Variants in MAP4K4 observed in about 807,000 individuals in gnomAD.
MAP4K4 encodes the protein HPK/GCK-like kinase HGK.
Under a neutral mutation model 189.6 loss-of-function variants are expected in MAP4K4, and 38 were observed. That is an observed-to-expected ratio of 0.20 (90% CI 0.15 to 0.26). The LOEUF is 0.26. MAP4K4 is among the 10% of genes least tolerant of loss of function. The pLI, the probability that MAP4K4 is intolerant of heterozygous loss-of-function variation, is 1.00. For missense variants in MAP4K4, 1,054 were observed against 1,726.9 expected, an observed-to-expected ratio of 0.61 and a Z score of 6.91; for synonymous variants, 610 against 624.3, an observed-to-expected ratio of 0.98 and a Z score of 0.34.
intron 2 of MAP4K4, among the ~76,000 whole-genome samples, chr2:101,699,668 C>G (rs1380503419): frequency 6.6e-6 from 1 of 151,830 alleles, no homozygotes; most frequent in Admixed American, 6.6e-5. Context: ...CTTATTGTCT[C>G]TTTTCTGCGT....
intron 2 of MAP4K4, among the ~76,000 whole-genome samples, chr2:101,755,291 G>C (rs959610125): frequency 6.6e-6 from 1 of 151,182 alleles, no homozygotes; most frequent in South Asian, 2.1e-4. Context: ...AAGGCCCTTT[G>C]TCTGTTATGC....
At chr2:101,859,376 G>A (rs2097567016) in intron 14 of MAP4K4, among the ~76,000 whole-genome samples, 1 of 152,152 alleles carries the variant, frequency 6.6e-6, no homozygotes, top group Non-Finnish European at 1.5e-5. Flanking sequence ...GAAAGCACAT[G>A]TCACAGGATT....
At chr2:101,830,909 AC>A (rs1204250032) in intron 6 of MAP4K4, among the ~76,000 whole-genome samples, 3 of 152,130 alleles carry the variant, frequency 2.0e-5, no homozygotes, top group African/African-American at 7.2e-5. Flanking sequence ...GTGAGTCCAC[AC>A]CCTGGACGAG....
chr2:101,736,800 C>T (rs1440045869), intron 2 of MAP4K4, among the ~76,000 whole-genome samples: 1 of 152,156 alleles, frequency 6.6e-6, no homozygotes, highest in Non-Finnish European at 1.5e-5. Context: ...GTGCTCCTGA[C>T]ACTTGGTACC....
At chr2:101,746,784 T>C (rs1384607433) in intron 2 of MAP4K4, among the ~76,000 whole-genome samples, 2 of 152,152 alleles carry the variant, frequency 1.3e-5, no homozygotes, top group Non-Finnish European at 2.9e-5. Context: ...TGTTTTTTTT[T>C]CCTCCCTTGA....
chr2:101,752,037 G>T (rs987286190), intron 2 of MAP4K4, among the ~76,000 whole-genome samples: 5 of 152,178 alleles, frequency 3.3e-5, no homozygotes, highest in Admixed American at 1.3e-4. Context: ...TGTAGGGTGA[G>T]CCATGTGAAC....
At chr2:101,857,107 T>C (rs866529665) in intron 13 of MAP4K4, among the ~76,000 whole-genome samples, 4 of 152,200 alleles carry the variant, frequency 2.6e-5, no homozygotes, top group Non-Finnish European at 4.4e-5. Flanking sequence ...ACATTCAAGC[T>C]TTTAAGAATT....
At chr2:101,777,854 T>A (rs1408055461) in intron 2 of MAP4K4, among the ~76,000 whole-genome samples, 1 of 152,192 alleles carries the variant, frequency 6.6e-6, no homozygotes, top group Non-Finnish European at 1.5e-5. Context: ...CGTTTTATAG[T>A]AAGATGGCCA....
rs1211624298 is a variant in MAP4K4 at position 101,831,772 on chromosome 2, C to T, written c.560C>T (p.Thr187Met). The change falls in exon 7 of 33, where the codon ACG (threonine) becomes ATG (methionine). Residue 187 changes from threonine (T) to methionine (M), a missense_variant. Around this residue, in one of 4 missense-constraint regions of MAP4K4, gnomAD observed 200 missense variants for 509.0 expected, o/e 0.39. Coordinates refer to ENST00000324219, the Ensembl canonical transcript of MAP4K4. ...GACAGGACTGTGGGGCGGAGAAATA[C>T]GTTCATAGGCACTCCCTACTGGATG... The T allele has an allele frequency of 6.2e-7, 1 of 1,608,514 alleles. No individual in the cohort carries two copies. The highest frequency in any genetic ancestry group is 8.5e-7 in the Non-Finnish European group (1 of 1,177,308).
chr2:101,698,780 A>G lies in MAP4K4; in HGVS notation c.123+242A>G, dbSNP rs546334275. On this transcript the variant is annotated intron_variant, in intron 2 of 32. Transcript: ENST00000324219. ...AAATAAGCTACACTCTTAGGCATGC[A>G]CTTTACTTCGATAAAATGGAAAAGC... Among the ~76,000 whole-genome samples the G allele has an allele frequency of 7.9e-5, 12 of 152,336 alleles. No homozygotes were observed. The East Asian group carries it at 2.1e-3, about 27-fold the overall frequency.
chr2:101,762,078 A>G (rs528614145), intron 2 of MAP4K4, among the ~76,000 whole-genome samples: 69 of 152,308 alleles, frequency 4.5e-4, no homozygotes, highest in Admixed American at 1.2e-3. Flanking sequence ...CCGGGAGTCT[A>G]TTCCAAGTAG....
At chr2:101,824,115 CGGGGGT>C in intron 4 of MAP4K4, 62 bp downstream of exon 4, 6 of 40,764 alleles carry the variant, frequency 1.5e-4, no homozygotes, top group Non-Finnish European at 2.9e-4. Flanking sequence ...AAGGGCATGG[CGGGGGT>C]GGGGGCGGGG....
intron 2 of MAP4K4, among the ~76,000 whole-genome samples, chr2:101,787,597 C>T (rs1307461566): frequency 6.6e-6 from 1 of 152,162 alleles, no homozygotes; most frequent in Non-Finnish European, 1.5e-5. Flanking sequence ...GAATAAATCA[C>T]AGGCAAACTT....
In MAP4K4 at chr2:101,774,962, G is replaced by A. The variant is rs142418835; in HGVS notation, c.124-15758G>A. On this transcript the variant is annotated intron_variant, in intron 2 of 32. Coordinates refer to ENST00000324219, the Ensembl canonical transcript of MAP4K4. The stretch of plus-strand genomic sequence containing the variant: ...GGGTGGAGGCCTCTCCACCTAGGTC[G>A]TCTTGCTTATTTTATCACTTCCCCC... Among the ~76,000 whole-genome samples the A allele has an allele frequency of 1.2e-4, 18 of 151,376 alleles. No homozygotes were observed. In the East Asian group the frequency reaches 1.9e-3, roughly 16 times the overall value.
intron 2 of MAP4K4, among the ~76,000 whole-genome samples, chr2:101,774,256 C>G (rs934975300): frequency 6.6e-6 from 1 of 152,180 alleles, no homozygotes; most frequent in Non-Finnish European, 1.5e-5. Context: ...GCCATTTTAA[C>G]TGGGGTGAGA....
At chr2:101,704,154 A>G (rs2040630507) in intron 2 of MAP4K4, among the ~76,000 whole-genome samples, 1 of 152,142 alleles carries the variant, frequency 6.6e-6, no homozygotes. Flanking sequence ...GGCAAAATGA[A>G]TTTTGTAGAA....
intron 2 of MAP4K4, among the ~76,000 whole-genome samples, chr2:101,721,956 C>G (rs771231673): frequency 5.9e-5 from 9 of 152,176 alleles, no homozygotes; most frequent in Non-Finnish European, 1.3e-4. Context: ...ACTTCTTTGG[C>G]TAGTTGTATT....
intron 3 of MAP4K4, among the ~76,000 whole-genome samples, chr2:101,793,692 A>G (rs1462008079): frequency 6.6e-6 from 1 of 151,312 alleles, no homozygotes; most frequent in Non-Finnish European, 1.5e-5. Flanking sequence ...AGAGGCAGTT[A>G]CCAGGTCACT....
At chr2:101,804,990 C>G (rs2094775485) in intron 3 of MAP4K4, among the ~76,000 whole-genome samples, 1 of 149,822 alleles carries the variant, frequency 6.7e-6, no homozygotes, top group African/African-American at 2.5e-5. Context: ...AGGAGAATCG[C>G]TCGAACCCAG....
Sources: gnomAD v4.1 joint callset for allele counts (sites outside exome capture counted in the v4.1 genomes callset) on GRCh38, gnomAD v4.1.1 for gene constraint, gnomAD v4.1.1 regional missense constraint, MANE v1.5 for transcripts, NCBI Gene and HGNC (gene_info 2026-07-23, HGNC 2026-07-21) for gene names.